The following NELL2 variants were observed in gnomAD, a reference collection of about 807,000 sequenced individuals.
NELL2 encodes the protein neural EGFL like 2, also known as protein kinase C-binding protein NELL2.
Under a neutral mutation model 109.6 loss-of-function variants are expected in NELL2, and 41 were observed. The observed-to-expected ratio is 0.37, with a 90% CI of 0.29 to 0.49. The LOEUF (loss-of-function observed/expected upper bound fraction) is 0.49. Ranked by LOEUF, NELL2 falls within the 20% of genes least tolerant of loss-of-function variation. The pLI is 0.98. For synonymous variants in NELL2, 355 were observed against 344.7 expected (o/e 1.03, Z -0.33); for missense variants, 900 against 1,008.3 (o/e 0.89, Z 1.45).
At chr12:44,558,863 GC>G (rs1943358763) in intron 15 of NELL2, among the ~76,000 whole-genome samples, 1 of 152,148 alleles carries the variant, frequency 6.6e-6, no homozygotes. Context: ...AAGCCAGGGA[GC>G]CAAGTGGTCT....
chr12:44,907,261 A>G (rs938378136), intron 1 of NELL2, among the ~76,000 whole-genome samples: 18 of 152,084 alleles, frequency 1.2e-4, no homozygotes, highest in African/African-American at 4.1e-4. Flanking sequence ...AATACGAGCT[A>G]TAAGACTAAC....
intron 15 of NELL2, among the ~76,000 whole-genome samples, chr12:44,574,058 T>G (rs905725662): frequency 3.3e-5 from 5 of 152,088 alleles, no homozygotes; most frequent in African/African-American, 9.7e-5. Context: ...TTGTTATTTT[T>G]TATTTTATTT....
chr12:44,919,268 C>T (rs1945851843), intron 1 of NELL2, among the ~76,000 whole-genome samples: 1 of 151,892 alleles, frequency 6.6e-6, no homozygotes, highest in Admixed American at 6.6e-5. Flanking sequence ...TGTGGAAATG[C>T]AGTGGTACAA....
rs114577225 is a variant in NELL2 at position 44,763,359 on chromosome 12, T to C, written c.994+11388A>G. On this transcript the variant is annotated intron_variant, in intron 9 of 19. Transcript: ENST00000429094. ...GTGGTCAGGAAAGCTCATTTTTTTA[T>C]TGGTTTAAAAGCATGATGCTTACCC... Among the ~76,000 whole-genome samples, 1,155 of 152,298 alleles carry C rather than the reference T, an allele frequency of 7.6e-3. 11 individuals are homozygous for C. Among genetic ancestry groups the C allele is most frequent in the African/African-American group, 0.027 (1,102 of 41,558 alleles).
intron 15 of NELL2, among the ~76,000 whole-genome samples, chr12:44,536,708 A>G (rs1942306725): frequency 6.6e-6 from 1 of 152,016 alleles, no homozygotes; most frequent in Non-Finnish European, 1.5e-5. Flanking sequence ...TGAGTTTTAT[A>G]ATTTTATTAC....
At chr12:44,857,725 T>C (rs1415527236) in intron 2 of NELL2, among the ~76,000 whole-genome samples, 1 of 152,204 alleles carries the variant, frequency 6.6e-6, no homozygotes, top group Non-Finnish European at 1.5e-5. Context: ...ATGCCCTGAA[T>C]CTTCCTTTAC....
chr12:44,771,976 G>A (rs1181116015), intron 9 of NELL2, among the ~76,000 whole-genome samples: 1 of 152,138 alleles, frequency 6.6e-6, no homozygotes. Flanking sequence ...TAGGTTATAC[G>A]CTTTACCTTC....
At chr12:44,752,698 T>A (rs1313225809) in intron 9 of NELL2, among the ~76,000 whole-genome samples, 4 of 152,188 alleles carry the variant, frequency 2.6e-5, no homozygotes, top group Non-Finnish European at 4.4e-5. Context: ...GTTCCCCAAC[T>A]TCCTACCTTT....
intron 1 of NELL2, among the ~76,000 whole-genome samples, chr12:44,883,209 A>G (rs955947635): frequency 1.3e-5 from 2 of 151,942 alleles, no homozygotes; most frequent in African/African-American, 4.8e-5. Context: ...TCACCAAGCT[A>G]GAATCAAAGA....
At chr12:44,919,387 T>G (rs1285700484) in intron 1 of NELL2, among the ~76,000 whole-genome samples, 2 of 152,134 alleles carry the variant, frequency 1.3e-5, no homozygotes, top group African/African-American at 4.8e-5. Context: ...AACCGTATGT[T>G]GAATGTAACT....
chr12:44,591,484 T>TTATCCTG (rs111290163), intron 15 of NELL2, among the ~76,000 whole-genome samples: 20 of 151,490 alleles, frequency 1.3e-4, no homozygotes, highest in African/African-American at 3.6e-4. Context: ...GCAACATGGA[T>TTATCCTG]GAGAACATTA....
chr12:44,784,386 A>C (rs1942083069), intron 3 of NELL2, among the ~76,000 whole-genome samples: 1 of 152,086 alleles, frequency 6.6e-6, no homozygotes, highest in Non-Finnish European at 1.5e-5. Context: ...ACAGAATAGA[A>C]AGGAAGAAGT....
rs144561720 is a variant in NELL2, at chr12:44,778,639, C to T, written c.606+1024G>A. ...TCTGCTATCCCTTACCTGGGAAAAG[C>T]GCATGGTTTTAGGATTTGCAAGCAT... On this transcript the variant is annotated intron_variant, in intron 5 of 19. Transcript: ENST00000429094. 2.1e-3 allele frequency among the ~76,000 whole-genome samples: 315 copies of T among 152,164 alleles called. 1 individual carries two copies. Among genetic ancestry groups the T allele is most frequent in the Middle Eastern group, 0.014 (4 of 294 alleles).
chr12:44,651,639 C>G (rs562500508), intron 13 of NELL2, among the ~76,000 whole-genome samples: 1 of 152,154 alleles, frequency 6.6e-6, no homozygotes, highest in Admixed American at 6.5e-5. Flanking sequence ...AGGAATATGA[C>G]TCATAAAGAA....
intron 1 of NELL2, among the ~76,000 whole-genome samples, chr12:44,920,032 C>T (rs1013016712): frequency 2.0e-5 from 3 of 151,416 alleles, no homozygotes; most frequent in South Asian, 2.1e-4. Flanking sequence ...TCTTTAAGCA[C>T]GAATTTTAAG....
chr12:44,918,117 C>T (rs766312018), upstream of NELL2, among the ~76,000 whole-genome samples: 4 of 152,126 alleles, frequency 2.6e-5, no homozygotes, highest in South Asian at 2.1e-4. Flanking sequence ...CAAAAGCAGA[C>T]GCAAACATCA....
chr12:44,517,371 TTCTCTCTCTCTC>T (rs71093810), intron 19 of NELL2, among the ~76,000 whole-genome samples: 12,589 of 102,494 alleles, frequency 0.12, 866 homozygotes, highest in African/African-American at 0.23. Context: ...ACCAACTACT[TTCTCTCTCTCTC>T]TCTCTCTCTC....
chr12:44,742,209 T>A (rs1365482738), intron 9 of NELL2, among the ~76,000 whole-genome samples: 1 of 151,894 alleles, frequency 6.6e-6, no homozygotes, highest in African/African-American at 2.4e-5. Flanking sequence ...GGGTCTGGAG[T>A]AGACCTCTAG....
intron 2 of NELL2, among the ~76,000 whole-genome samples, chr12:44,834,649 T>G (rs1426549080): frequency 6.6e-6 from 1 of 152,122 alleles, no homozygotes; most frequent in Non-Finnish European, 1.5e-5. Context: ...GTCAGGCCCC[T>G]GCCTGCCCTA....
Sources: gnomAD v4.1 joint callset for allele counts (sites outside exome capture counted in the v4.1 genomes callset) on GRCh38, gnomAD v4.1.1 for gene constraint, MANE v1.5 for transcripts, NCBI Gene and HGNC (gene_info 2026-07-23, HGNC 2026-07-21) for gene names.